The following DLG2 variants were observed in gnomAD, a reference collection of about 807,000 sequenced individuals.
DLG2 encodes disks large homolog 2.
DLG2 carries 45 observed loss-of-function variants against 132.5 expected under a neutral mutation model. The observed-to-expected ratio is 0.34, with a 90% CI of 0.27 to 0.44. DLG2 has a LOEUF of 0.44. Among genes scored for constraint, DLG2 ranks in the 20% least tolerant of loss-of-function variants. The probability of loss-of-function intolerance (pLI) is 1.00; values close to 1 mark genes in which losing one functional copy is unlikely to be tolerated. For synonymous variants in DLG2, 424 were observed against 419.6 expected (o/e 1.01, Z -0.13); for missense variants, 1,045 against 1,196.9 (o/e 0.87, Z 1.87).
chr11:85,111,810 A>T, intron 5 of DLG2, 75 bp from the exon 6 acceptor site: 1 of 1,132,056 alleles, frequency 8.8e-7, no homozygotes, highest in Non-Finnish European at 1.3e-6. Context: ...TGACATGTTT[A>T]TTATCAATAT....
intron 7 of DLG2, among the ~76,000 whole-genome samples, chr11:84,415,591 C>T (rs905983322): frequency 1.3e-5 from 2 of 152,194 alleles, no homozygotes; most frequent in South Asian, 4.1e-4. Flanking sequence ...TGTCATAATT[C>T]TAAGAATTAG....
chr11:84,305,671 C>T (rs1032956124), intron 7 of DLG2, among the ~76,000 whole-genome samples: 10 of 151,998 alleles, frequency 6.6e-5, no homozygotes, highest in African/African-American at 2.2e-4. Flanking sequence ...CATGAGAAGG[C>T]ATATATTTGA....
chr11:84,007,028 T>C (rs150252245), intron 11 of DLG2, among the ~76,000 whole-genome samples: 10 of 151,890 alleles, frequency 6.6e-5, no homozygotes, highest in African/African-American at 1.9e-4. Flanking sequence ...GTGGGCATTA[T>C]TAGTAGAAGC....
intron 7 of DLG2, among the ~76,000 whole-genome samples, chr11:84,438,439 C>T (rs987709887): frequency 6.6e-6 from 1 of 151,318 alleles, no homozygotes; most frequent in Admixed American, 6.6e-5. Flanking sequence ...GAGTGTTAAA[C>T]TAAAAAGAGC....
intron 16 of DLG2, among the ~76,000 whole-genome samples, chr11:83,850,425 T>C (rs541363938): frequency 6.6e-6 from 1 of 152,224 alleles, no homozygotes; most frequent in East Asian, 1.9e-4. Flanking sequence ...AGTGCTGGGA[T>C]TACAGTCATG....
chr11:83,633,776 AC>A (rs1411039421), intron 18 of DLG2, among the ~76,000 whole-genome samples: 15 of 147,906 alleles, frequency 1.0e-4, no homozygotes, highest in African/African-American at 4.0e-4. Context: ...ACACACACAC[AC>A]ACACAACTGC....
At chr11:83,600,156 C>T (rs1303576574) in intron 19 of DLG2, among the ~76,000 whole-genome samples, 2 of 151,840 alleles carry the variant, frequency 1.3e-5, no homozygotes, top group African/African-American at 4.8e-5. Flanking sequence ...AAAATAAGCT[C>T]ATGATAGAGA....
At chr11:84,699,585 G>A (rs2058990388) in intron 6 of DLG2, among the ~76,000 whole-genome samples, 1 of 151,378 alleles carries the variant, frequency 6.6e-6, no homozygotes, top group African/African-American at 2.4e-5. Flanking sequence ...CACCTGATTT[G>A]GCCCTAACCT....
intron 6 of DLG2, among the ~76,000 whole-genome samples, chr11:84,878,095 T>C (rs188913319): frequency 1.3e-5 from 2 of 152,266 alleles, no homozygotes; most frequent in Admixed American, 1.3e-4. Flanking sequence ...GAAATAGGAA[T>C]GTTTTTACAC....
At chr11:84,376,527 T>C (rs1307476279) in intron 7 of DLG2, among the ~76,000 whole-genome samples, 2 of 151,908 alleles carry the variant, frequency 1.3e-5, no homozygotes, top group African/African-American at 4.8e-5. Flanking sequence ...CTTGTGTCCA[T>C]ATGGAAGGTA....
intron 18 of DLG2, among the ~76,000 whole-genome samples, chr11:83,735,067 G>A (rs140788232): frequency 7.9e-4 from 120 of 152,126 alleles, no homozygotes; most frequent in African/African-American, 2.8e-3. Context: ...CTTTGTGTAT[G>A]TGTGTCCTCT....
intron 21 of DLG2, chr11:83,486,210 T>C: frequency 4.3e-6 from 3 of 690,076 alleles, no homozygotes; most frequent in Non-Finnish European, 7.9e-6. Flanking sequence ...CACTCCAGTT[T>C]CATGCCACTT....
intron 8 of DLG2, among the ~76,000 whole-genome samples, chr11:84,197,865 A>C (rs1167620430): frequency 6.6e-6 from 1 of 152,192 alleles, no homozygotes; most frequent in Non-Finnish European, 1.5e-5. Flanking sequence ...TTTCACTAAA[A>C]TACTTCTCAG....
At chr11:85,236,316 A>T (rs541749923) in intron 4 of DLG2, among the ~76,000 whole-genome samples, 5 of 152,132 alleles carry the variant, frequency 3.3e-5, no homozygotes, top group African/African-American at 1.2e-4. Flanking sequence ...AAACAACAGA[A>T]ATTTATTCTC....
At chr11:84,626,170 C>T (rs1340690971) in intron 6 of DLG2, among the ~76,000 whole-genome samples, 2 of 152,206 alleles carry the variant, frequency 1.3e-5, no homozygotes, top group African/African-American at 4.8e-5. Context: ...CCTCTTTCAA[C>T]AGTACTAGGA....
chr11:83,720,759 T>TA (rs1555357442), intron 18 of DLG2: 2 of 149,362 alleles, frequency 1.3e-5, no homozygotes, highest in African/African-American at 2.5e-5. Flanking sequence ...TTTTTTTTTT[T>TA]AATTACCAGA....
chr11:83,948,759 G>C (rs191663227), intron 14 of DLG2, among the ~76,000 whole-genome samples: 152 of 152,206 alleles, frequency 1.0e-3, no homozygotes, highest in Admixed American at 1.0e-3. Flanking sequence ...AGCTATGCAG[G>C]CAAGGACTTA....
intron 18 of DLG2, among the ~76,000 whole-genome samples, chr11:83,713,265 A>G (rs751696090): frequency 3.4e-4 from 52 of 152,334 alleles, no homozygotes; most frequent in African/African-American, 7.2e-4. Flanking sequence ...AATTTTCCCC[A>G]TAAGTTACAC....
chr11:84,709,722 C>G lies in DLG2; in HGVS notation c.358-174991G>C, dbSNP rs982427448. 2.6e-5 allele frequency among the ~76,000 whole-genome samples: 4 copies of G among 152,006 alleles called. No individual in the cohort carries two copies. In the South Asian group the frequency reaches 6.2e-4, roughly 24 times the overall value. The stretch of plus-strand genomic sequence containing the variant: ...ATATATAATCTCACATTCTCTCCCC[C>G]TCTTCCTCCCTTTCTCCTTTCCCAC... On this transcript the variant is annotated intron_variant, in intron 6 of 27. Coordinates refer to ENST00000376104, the MANE Select transcript of DLG2 (RefSeq NM_001142699.3).
Sources: gnomAD v4.1 joint callset for allele counts (sites outside exome capture counted in the v4.1 genomes callset) on GRCh38, gnomAD v4.1.1 for gene constraint, MANE v1.5 for transcripts, NCBI Gene and HGNC (gene_info 2026-07-23, HGNC 2026-07-21) for gene names.